The following NAB1 variants were observed in gnomAD, a reference collection of about 807,000 sequenced individuals.
NAB1 encodes the protein NGFI-A-binding protein 1.
NAB1 carries 25 observed loss-of-function variants against 49.9 expected under a neutral mutation model. The ratio of observed to expected loss-of-function variants is 0.50; its 90% CI spans 0.37 to 0.70. NAB1 has a LOEUF of 0.70. Among genes scored for constraint, NAB1 ranks in the 30% least tolerant of loss-of-function variants. The pLI is 0.00. For synonymous variants in NAB1, 198 were observed against 215.6 expected (o/e 0.92, Z 0.71); for missense variants, 489 against 575.9 (o/e 0.85, Z 1.54).
At chr2:190,683,501 T>C (rs10185029) in intron 6 of NAB1, among the ~76,000 whole-genome samples, 35,106 of 151,532 alleles carry the variant, frequency 0.23, 4,159 homozygotes, top group Middle Eastern at 0.26. Flanking sequence ...TTCTTTCCAG[T>C]GTAAAACAAT....
chr2:190,668,445 G>A (rs4853725), intron 4 of NAB1, among the ~76,000 whole-genome samples: 29,071 of 152,050 alleles, frequency 0.19, 3,318 homozygotes, highest in East Asian at 0.41. Context: ...ATATTATAAA[G>A]GATTTTTCAA....
chr2:190,663,261 A>G lies in NAB1; in HGVS notation c.819+3266A>G, dbSNP rs1455354843. Among the ~76,000 whole-genome samples, 5 of 152,294 alleles carry G rather than the reference A, an allele frequency of 3.3e-5. No individual in the cohort carries two copies. The highest frequency in any genetic ancestry group is 9.6e-5 in the African/African-American group (4 of 41,550). On this transcript the variant is annotated intron_variant, in intron 4 of 9. Transcript: ENST00000337386. The surrounding 1 kb of genome is among the most constrained non-coding windows in gnomAD (Gnocchi z 4.2). The stretch of plus-strand genomic sequence containing the variant: ...TCTGAGTTTTCAAACTTAGTGGCGT[A>G]AAGTTATTTATAGTTTTTTAAGACC...
intron 6 of NAB1, 76 bp from the exon 7 acceptor site, chr2:190,683,662 C>T (rs2125847006): frequency 9.8e-7 from 1 of 1,017,110 alleles, no homozygotes. Flanking sequence ...TAAGAGTTTG[C>T]TTTATTTTCA....
Position 190,685,549 on chromosome 2 carries a change from C to A in NAB1, c.1169C>A (p.Ala390Asp). ...GCTGGCTATGAGAGACTGCAGCATG[C>A]CGAGAGGAGGTTGTCTGCAGGGCTT... is the stretch of plus-strand genomic sequence containing the variant. ...NQAGYERLQHAERRLSAGLYR... is the reference protein window; with the variant it reads ...NQAGYERLQHDERRLSAGLYR... Residue 390 changes from alanine (A) to aspartate (D), a missense_variant, in exon 8 of 10, where the codon GCC becomes GAC. By Grantham distance (126) the Ala-to-Asp change is moderately radical (BLOSUM62 -2). Transcript: ENST00000337386. The surrounding 1 kb of genome is among the most constrained non-coding windows in gnomAD (Gnocchi z 4.5). 1 of 1,613,906 alleles carries A rather than the reference C, an allele frequency of 6.2e-7. No individual in the cohort carries two copies. The highest frequency in any genetic ancestry group is 8.5e-7 in the Non-Finnish European group (1 of 1,179,926).
At chr2:190,661,368 C>G (rs1694217106) in intron 4 of NAB1, among the ~76,000 whole-genome samples, 1 of 152,088 alleles carries the variant, frequency 6.6e-6, no homozygotes, top group African/African-American at 2.4e-5. Context: ...GTAGAGGAAT[C>G]CACTAAAAGG....
chr2:190,685,334 T>C lies in NAB1; in HGVS notation c.1096-142T>C, dbSNP rs1246181040. The C allele has an allele frequency of 1.5e-6, 1 of 670,834 alleles. No homozygotes were observed. The highest frequency in any genetic ancestry group is 2.4e-6 in the Non-Finnish European group (1 of 409,722). 41.6% of individuals were successfully genotyped at this position (670,834 alleles called of 1,614,324 possible). ...TGATATAGACATCTATGCATATTTA[T>C]GGAATTTGTATACCACATGAAGTGT... On this transcript the variant is annotated intron_variant, in intron 7 of 9. Transcript: ENST00000337386. The surrounding 1 kb of genome is among the most constrained non-coding windows in gnomAD (Gnocchi z 4.5).
In NAB1 at chr2:190,691,790, T is replaced by C. The variant is rs1695943429; in HGVS notation, c.*1457T>C. ...TGTTTTTTTGTTTTTAGTTCTGCTCTAGATCATAATTGTAAAAAATATTAA... is the reference window on the plus strand; with the variant it reads ...TGTTTTTTTGTTTTTAGTTCTGCTCCAGATCATAATTGTAAAAAATATTAA... On this transcript the variant is annotated 3_prime_UTR_variant, in exon 10 of 10. Coordinates refer to ENST00000337386, the MANE Select transcript of NAB1 (RefSeq NM_005966.4). The surrounding 1 kb of genome is among the most constrained non-coding windows in gnomAD (Gnocchi z 4.1). The C allele has an allele frequency of 6.6e-6, 1 of 152,178 alleles. No individual in the cohort carries two copies. The highest frequency in any genetic ancestry group is 2.4e-5 in the African/African-American group (1 of 41,472). The allele number at this position is 152,178 out of a possible 1,614,324, so 9.4% of individuals were successfully genotyped here.
chr2:190,672,255 T>C (rs535275896), intron 5 of NAB1, among the ~76,000 whole-genome samples: 29 of 152,302 alleles, frequency 1.9e-4, no homozygotes, highest in African/African-American at 6.7e-4. Flanking sequence ...GTGTCTAGTC[T>C]TTTATTGTAA....
rs1361465383 is a variant in NAB1, at chr2:190,689,597, T to C, written c.1376-648T>C. The stretch of plus-strand genomic sequence containing the variant: ...ACATAAAGGTTACATTTGATTGTTA[T>C]TCTGTAGTGTTTGTGTATGGTTGAA... On this transcript the variant is annotated intron_variant, in intron 9 of 9. Coordinates refer to ENST00000337386, the MANE Select transcript of NAB1 (RefSeq NM_005966.4). This position sits in a 1 kb window ranked among gnomAD's most constrained non-coding sequence, Gnocchi z 4.3. 3.3e-5 allele frequency among the ~76,000 whole-genome samples: 5 copies of C among 152,198 alleles called. No individual in the cohort carries two copies. Among genetic ancestry groups the C allele is most frequent in the Non-Finnish European group, 5.9e-5 (4 of 68,020 alleles).
chr2:190,650,659 A>AT (rs1693616076), intron 2 of NAB1, among the ~76,000 whole-genome samples: 1 of 152,140 alleles, frequency 6.6e-6, no homozygotes, highest in Non-Finnish European at 1.5e-5. Flanking sequence ...TTGGGTGGAG[A>AT]TTGAGCTTTT....
Position 190,684,654 on chromosome 2 carries a change from A to G in NAB1, c.1096-822A>G, listed in dbSNP as rs1393270003. ...ACATTGTGAATCAGGGCATTTTGTAACCAATTTTATATAGCAGCTTTCTTG... is the reference window on the plus strand; with the variant it reads ...ACATTGTGAATCAGGGCATTTTGTAGCCAATTTTATATAGCAGCTTTCTTG... On this transcript the variant is annotated intron_variant, in intron 7 of 9. Coordinates refer to ENST00000337386, the MANE Select transcript of NAB1 (RefSeq NM_005966.4). The surrounding 1 kb of genome is among the most constrained non-coding windows in gnomAD (Gnocchi z 4.6). Among the ~76,000 whole-genome samples the G allele has an allele frequency of 6.6e-6, 1 of 152,164 alleles. No individual in the cohort carries two copies. Among genetic ancestry groups the G allele is most frequent in the Non-Finnish European group, 1.5e-5 (1 of 68,012 alleles).
intron 4 of NAB1, among the ~76,000 whole-genome samples, chr2:190,661,490 AAAGTT>A (rs1464323121): frequency 2.6e-5 from 4 of 152,260 alleles, no homozygotes; most frequent in African/African-American, 9.6e-5. Flanking sequence ...GATGAAATAC[AAAGTT>A]GAGTCGAAAT....
At chr2:190,672,678 T>A (rs1260857412) in intron 5 of NAB1, among the ~76,000 whole-genome samples, 1 of 152,164 alleles carries the variant, frequency 6.6e-6, no homozygotes, top group South Asian at 2.1e-4. Context: ...GATCATTAAA[T>A]ATTTATTAAG....
chr2:190,665,266 T>C (rs1300764986), intron 4 of NAB1, among the ~76,000 whole-genome samples: 1 of 150,278 alleles, frequency 6.7e-6, no homozygotes, highest in Non-Finnish European at 1.5e-5. Context: ...GAGCTTGCAG[T>C]GAGCCAAGAT....
rs1695293237 is a variant in NAB1 at position 190,680,638 on chromosome 2, T to G, written c.1006-3100T>G. On this transcript the variant is annotated intron_variant, in intron 6 of 9. Coordinates refer to ENST00000337386, the MANE Select transcript of NAB1 (RefSeq NM_005966.4). The surrounding 1 kb of genome is among the most constrained non-coding windows in gnomAD (Gnocchi z 5.2). Reference sequence around the variant, plus strand: ...TTTTGTTGAATGTATAAACACATGTTTCTAGATTTCCAGTGTTCTTTTCAC... The same window carrying G: ...TTTTGTTGAATGTATAAACACATGTGTCTAGATTTCCAGTGTTCTTTTCAC... Among the ~76,000 whole-genome samples, 1 of 152,238 alleles carries G rather than the reference T, an allele frequency of 6.6e-6. No individual in the cohort carries two copies. Among genetic ancestry groups the G allele is most frequent in the African/African-American group, 2.4e-5 (1 of 41,460 alleles).
At chr2:190,653,342 G>A (rs763928944) in intron 2 of NAB1, among the ~76,000 whole-genome samples, 3 of 152,182 alleles carry the variant, frequency 2.0e-5, no homozygotes, top group Non-Finnish European at 2.9e-5. Context: ...CAATCTGATG[G>A]AACTAATTTA....
Position 190,678,279 on chromosome 2 carries a change from A to T in NAB1, c.1005+5127A>T, listed in dbSNP as rs1337116577. On this transcript the variant is annotated intron_variant, in intron 6 of 9. Coordinates refer to ENST00000337386, the MANE Select transcript of NAB1 (RefSeq NM_005966.4). This position sits in a 1 kb window ranked among gnomAD's most constrained non-coding sequence, Gnocchi z 4.9. ...TCTTGTCTTCTCCTAAATTTTTTTAAATGTTAGTTAAAAGTGAATTCAATT... is the reference window on the plus strand; with the variant it reads ...TCTTGTCTTCTCCTAAATTTTTTTATATGTTAGTTAAAAGTGAATTCAATT... Among the ~76,000 whole-genome samples, 1 of 152,264 alleles carries T rather than the reference A, an allele frequency of 6.6e-6. No individual in the cohort carries two copies. Among genetic ancestry groups the T allele is most frequent in the South Asian group, 2.1e-4 (1 of 4,814 alleles).
Position 190,675,825 on chromosome 2 carries a change from T to TGCA in NAB1, c.1005+2674_1005+2675insCAG, listed in dbSNP as rs1695041605. Among the ~76,000 whole-genome samples, 1 of 152,192 alleles carries TGCA rather than the reference T, an allele frequency of 6.6e-6. No homozygotes were observed. Among genetic ancestry groups the TGCA allele is most frequent in the African/African-American group, 2.4e-5 (1 of 41,438 alleles). ...CTGTTCCTCTTTCTTAAAAAGCACT[T>TGCA]GTGTATTGCAGGTCATCAGTATCTC... is the stretch of plus-strand genomic sequence containing the variant. On this transcript the variant is annotated intron_variant, in intron 6 of 9. Coordinates refer to ENST00000337386, the MANE Select transcript of NAB1 (RefSeq NM_005966.4). This position sits in a 1 kb window ranked among gnomAD's most constrained non-coding sequence, Gnocchi z 5.2.
Position 190,673,123 on chromosome 2 carries a change from G to A in NAB1, c.976G>A (p.Glu326Lys). Reference protein sequence around the residue: ...TTKSKCGERDELSPKRIKVED... With the variant: ...TTKSKCGERDKLSPKRIKVED... The stretch of plus-strand genomic sequence containing the variant: ...TAGGTCAAAATGTGGAGAAAGAGAT[G>A]AATTATCCCCAAAGAGAATTAAAGT... Residue 326 changes from glutamate to lysine, a missense_variant, in exon 6 of 10, where the codon GAA (glutamate) becomes AAA (lysine). Coordinates refer to ENST00000337386, the MANE Select transcript of NAB1 (RefSeq NM_005966.4). The A allele has an allele frequency of 6.3e-7, 1 of 1,595,094 alleles. No individual in the cohort carries two copies. Among genetic ancestry groups the A allele is most frequent in the Non-Finnish European group, 8.6e-7 (1 of 1,167,630 alleles).
Sources: gnomAD v4.1 joint callset for allele counts (sites outside exome capture counted in the v4.1 genomes callset) on GRCh38, gnomAD v4.1.1 for gene constraint, Gnocchi (gnomAD v3.1) non-coding constraint, MANE v1.5 for transcripts, NCBI Gene and HGNC (gene_info 2026-07-23, HGNC 2026-07-21) for gene names.